The following GNB5 variants were observed in gnomAD, a reference collection of about 807,000 sequenced individuals.
GNB5 encodes guanine nucleotide-binding protein subunit beta-5.
GNB5 carries 37 observed loss-of-function variants against 55.3 expected under a neutral mutation model. The ratio of observed to expected loss-of-function variants is 0.67; its 90% CI spans 0.51 to 0.88. The LOEUF is 0.88. GNB5 is among the 40% of genes least tolerant of loss of function. The probability of loss-of-function intolerance (pLI) is 0.00; values close to 1 mark genes in which losing one functional copy is unlikely to be tolerated. For synonymous variants in GNB5, 219 were observed against 198.5 expected, an observed-to-expected ratio of 1.10 and a Z score of -0.87; for missense variants, 476 against 515.3, an observed-to-expected ratio of 0.92 and a Z score of 0.74.
intron 1 of GNB5, among the ~76,000 whole-genome samples, chr15:52,191,089 T>C (rs1052752384): frequency 6.6e-6 from 1 of 152,194 alleles, no homozygotes; most frequent in African/African-American, 2.4e-5. Context: ...CCAATATTAA[T>C]GTAAAAAATA....
intron 3 of GNB5, among the ~76,000 whole-genome samples, chr15:52,168,136 GGA>G (rs2034486129): frequency 6.6e-6 from 1 of 152,188 alleles, no homozygotes; most frequent in African/African-American, 2.4e-5. Flanking sequence ...ATATAGTACT[GGA>G]AGTTCTGGCC....
intron 3 of GNB5, among the ~76,000 whole-genome samples, chr15:52,174,971 G>A (rs1285000580): frequency 1.3e-5 from 2 of 152,272 alleles, no homozygotes; most frequent in African/African-American, 4.8e-5. Flanking sequence ...TACTAGTGGG[G>A]CCGAGGGAGG....
rs1441998093 is a variant in GNB5, at chr15:52,126,757, T to C, written c.913-713A>G. Among the ~76,000 whole-genome samples, 8 of 152,298 alleles carry C rather than the reference T, an allele frequency of 5.3e-5. No homozygotes were observed. In the South Asian group the frequency reaches 1.4e-3, roughly 28 times the overall value. On this transcript the variant is annotated intron_variant, in intron 10 of 12. Coordinates refer to ENST00000261837, the MANE Select transcript of GNB5 (RefSeq NM_016194.4). ...AGAAATAGAATCCTTAGAAGAGTTA[T>C]CAGGAAATAGCATGACCAGATCAGA...
intron 7 of GNB5, among the ~76,000 whole-genome samples, chr15:52,136,759 T>C (rs982828502): frequency 6.6e-6 from 1 of 152,220 alleles, no homozygotes; most frequent in African/African-American, 2.4e-5. Flanking sequence ...AGAAAGATTG[T>C]GTCTCAGTTT....
chr15:52,118,683 A>G lies in GNB5; in HGVS notation c.*4074T>C, dbSNP rs1487345774. 6.6e-6 allele frequency: 1 copy of G among 152,062 alleles called. No individual in the cohort carries two copies. Among genetic ancestry groups the G allele is most frequent in the Non-Finnish European group, 1.5e-5 (1 of 68,074 alleles). The allele number at this position is 152,062 out of a possible 1,614,324, so 9.4% of individuals were successfully genotyped here. A position where few individuals can be genotyped will look rare whatever the true frequency, so the allele number is the denominator to read the frequency against. On this transcript the variant is annotated 3_prime_UTR_variant, in exon 13 of 13. Transcript: ENST00000261837. ...TGGGAGTTCGAGACCAGTGTGACCA[A>G]CATGGAGAAACCTGGTCTCTACTAA...
At chr15:52,189,537 G>A (rs981488977) in intron 1 of GNB5, among the ~76,000 whole-genome samples, 9 of 152,168 alleles carry the variant, frequency 5.9e-5, no homozygotes, top group African/African-American at 1.4e-4. Context: ...CCAAGATCGC[G>A]CCACTGAAAT....
chr15:52,174,527 A>C (rs887552537), intron 3 of GNB5, among the ~76,000 whole-genome samples: 2 of 152,112 alleles, frequency 1.3e-5, no homozygotes, highest in Non-Finnish European at 2.9e-5. Flanking sequence ...GGACCCATAT[A>C]AGCTATTAAT....
chr15:52,142,979 AC>A (rs1273226662), intron 6 of GNB5, among the ~76,000 whole-genome samples: 2 of 151,878 alleles, frequency 1.3e-5, no homozygotes, highest in Admixed American at 1.3e-4. Context: ...ACATGGAGAA[AC>A]CCCATCTCTA....
rs1031815744 is a variant in GNB5 at position 52,152,338 on chromosome 15, GA to G, written c.375+1601del. 3.2e-3 allele frequency among the ~76,000 whole-genome samples: 476 copies of G among 147,974 alleles called. 1 individual carries two copies. Among genetic ancestry groups the G allele is most frequent in the African/African-American group, 0.011 (454 of 40,392 alleles). On this transcript the variant is annotated intron_variant, in intron 4 of 12. Transcript: ENST00000261837. ...TATATAATATCTTTTTTTTTTTGGA[GA>G]AAAAAAAACAGTCTCGCCCTGTTGC... is the stretch of plus-strand genomic sequence containing the variant.
At chr15:52,124,708 TACTC>T (rs1291812720) in intron 11 of GNB5, 69 bp from the exon 12 acceptor site, 6 of 1,323,270 alleles carry the variant, frequency 4.5e-6, no homozygotes, top group South Asian at 2.6e-5. Flanking sequence ...ACATGACTGT[TACTC>T]ACTCATTCAG....
chr15:52,153,281 G>A (rs562456004), intron 4 of GNB5, among the ~76,000 whole-genome samples: 41 of 152,294 alleles, frequency 2.7e-4, no homozygotes, highest in Non-Finnish European at 5.0e-4. Context: ...CAAGAGCCAC[G>A]TGAACAGGGC....
rs755832695 is a variant in GNB5, at chr15:52,133,378, C to G, written c.863G>C (p.Arg288Pro). ...ETHESDINSV[R>P]YYPSGDAFAS... ...TGGCATGAACATTCTACTCACTGAC[C>G]GGACACTGTTGATGTCAGATTCATG... Residue 288 changes from arginine to proline, a missense_variant and splice_region_variant, in exon 9 of 13, where the codon CGG becomes CCG. Coordinates refer to ENST00000261837, the MANE Select transcript of GNB5 (RefSeq NM_016194.4). The G allele has an allele frequency of 1.9e-6, 3 of 1,587,248 alleles. No homozygotes were observed. In the African/African-American group the frequency reaches 4.0e-5, roughly 21 times the overall value.
intron 8 of GNB5, among the ~76,000 whole-genome samples, chr15:52,133,926 TC>T: frequency 6.6e-6 from 1 of 152,202 alleles, no homozygotes; most frequent in Non-Finnish European, 1.5e-5. Context: ...CAGCCGAGAG[TC>T]CCAGCTTTGT....
intron 3 of GNB5, among the ~76,000 whole-genome samples, chr15:52,170,012 T>C (rs1179341539): frequency 6.6e-6 from 1 of 152,182 alleles, no homozygotes; most frequent in East Asian, 1.9e-4. Flanking sequence ...CACAATGAGA[T>C]ACCATCTCAT....
Position 52,125,856 on chromosome 15 carries a change from T to C in GNB5, c.1009+92A>G, listed in dbSNP as rs79603568. The C allele has an allele frequency of 7.6e-3, 5,048 of 662,560 alleles. 213 individuals are homozygous for C. The African/African-American group carries it at 0.083, about 11-fold the overall frequency. The allele number at this position is 662,560 out of a possible 1,614,324, so 41.0% of individuals were successfully genotyped here. On this transcript the variant is annotated intron_variant, in intron 11 of 12. Transcript: ENST00000261837. ...GCATACTGGTCCACAGGAAGCTCAGTTGATGAAAAGGAACTGAGCGATGAT... is the reference window on the plus strand; with the variant it reads ...GCATACTGGTCCACAGGAAGCTCAGCTGATGAAAAGGAACTGAGCGATGAT...
intron 3 of GNB5, among the ~76,000 whole-genome samples, chr15:52,155,559 T>C (rs2034190686): frequency 1.3e-5 from 2 of 152,268 alleles, no homozygotes; most frequent in African/African-American, 4.8e-5. Flanking sequence ...TACTGCCTAT[T>C]GTCCAAATAA....
intron 5 of GNB5, 48 bp from the exon 6 acceptor site, chr15:52,147,583 T>A (rs2141208287): frequency 1.3e-5 from 6 of 475,546 alleles, no homozygotes; most frequent in South Asian, 4.0e-5. Context: ...CACAAAAATC[T>A]TTTTTTTTTT....
intron 3 of GNB5, among the ~76,000 whole-genome samples, chr15:52,156,236 C>A (rs538947278): frequency 6.6e-6 from 1 of 152,200 alleles, no homozygotes; most frequent in Non-Finnish European, 1.5e-5. Flanking sequence ...AAGCAGGTTC[C>A]CATGACCTTC....
rs1310219558 is a variant in GNB5 at position 52,146,441 on chromosome 15, C to T, written c.494+1018G>A. 2.6e-5 allele frequency among the ~76,000 whole-genome samples: 4 copies of T among 152,206 alleles called. No homozygotes were observed. The East Asian group carries it at 5.8e-4, about 22-fold the overall frequency. ...CACTCTTCCTAGTAATCTTGATGCC[C>T]TTTTCACACAGTGTAATTGAGAATT... On this transcript the variant is annotated intron_variant, in intron 6 of 12. Coordinates refer to ENST00000261837, the MANE Select transcript of GNB5 (RefSeq NM_016194.4).
Sources: allele counts gnomAD v4.1 joint callset (sites outside exome capture counted in the v4.1 genomes callset), GRCh38; gene constraint gnomAD v4.1.1; transcripts MANE v1.5; gene names NCBI Gene and HGNC (gene_info 2026-07-23, HGNC 2026-07-21).